ART1: variants seen among roughly 807,000 people sequenced by gnomAD.
ART1 encodes the protein GPI-linked NAD(P)(+)--arginine ADP-ribosyltransferase 1.
ART1 carries 29 observed loss-of-function variants against 27.0 expected under a neutral mutation model. That is an observed-to-expected ratio of 1.08 (90% CI 0.80 to 1.47). ART1 has a LOEUF of 1.47. Among genes scored for constraint, ART1 ranks in the 40% most tolerant of loss-of-function variants. The pLI, the probability that ART1 is intolerant of heterozygous loss-of-function variation, is 0.00. For missense variants in ART1, 480 were observed against 423.0 expected, an observed-to-expected ratio of 1.13 and a Z score of -1.18; for synonymous variants, 201 against 172.2, an observed-to-expected ratio of 1.17 and a Z score of -1.31.
At position 3,661,415 on chromosome 11, in the gene ART1, T is replaced by A. The variant is rs2077619104; in HGVS notation, c.886+2T>A. ...GGCCTTGCCATCTGGATAATTCAGGTAAGGGCTGCAGGCACCTGTGGGACT... is the reference window on the plus strand; with the variant it reads ...GGCCTTGCCATCTGGATAATTCAGGAAAGGGCTGCAGGCACCTGTGGGACT... On this transcript the variant is annotated splice_donor_variant, in intron 4 of 4. Transcript: ENST00000250693. LOFTEE classifies it high-confidence loss of function. The A allele has an allele frequency of 6.2e-7, 1 of 1,609,208 alleles. No individual in the cohort carries two copies. The highest frequency in any genetic ancestry group is 1.3e-5 in the African/African-American group (1 of 74,636).
At chr11:3,659,349 G>T (rs2077599047) in intron 2 of ART1, 73 bp downstream of exon 2, 2 of 1,595,282 alleles carry the variant, frequency 1.3e-6, no homozygotes, top group Admixed American at 3.4e-5. Context: ...CCTGGAGGGA[G>T]AAAGAGAGAG....
intron 1 of ART1, among the ~76,000 whole-genome samples, chr11:3,656,873 G>T (rs1425056314): frequency 1.3e-5 from 2 of 152,164 alleles, no homozygotes; most frequent in African/African-American, 4.8e-5. Context: ...GAATAAATGA[G>T]TAAGCAGCTT....
chr11:3,652,446 G>A (rs867509019), intron 1 of ART1, among the ~76,000 whole-genome samples: 8,159 of 145,904 alleles, frequency 0.056, 599 homozygotes, highest in African/African-American at 0.16. Context: ...AAAGTAGAAC[G>A]GACTAAAGGT....
At chr11:3,652,146 G>A (rs1465510979) in intron 1 of ART1, among the ~76,000 whole-genome samples, 1 of 150,432 alleles carries the variant, frequency 6.6e-6, no homozygotes, top group Non-Finnish European at 1.5e-5. Flanking sequence ...CCCCCACCCA[G>A]GACGGGCAAA....
At chr11:3,656,930 G>A (rs1311151629) in intron 1 of ART1, among the ~76,000 whole-genome samples, 1 of 152,124 alleles carries the variant, frequency 6.6e-6, no homozygotes. Context: ...TGTGGAATTT[G>A]GTAAAAACTA....
At chr11:3,656,364 T>G (rs1445457365) in intron 1 of ART1, among the ~76,000 whole-genome samples, 1 of 84,898 alleles carries the variant, frequency 1.2e-5, no homozygotes, top group Non-Finnish European at 3.0e-5. Context: ...GCTTATTTAT[T>G]TATTTATTTA....
rs2077643686 is a variant in ART1 at position 3,664,158 on chromosome 11, G to A, written c.953G>A (p.Arg318Lys). 1 of 1,613,880 alleles carries A rather than the reference G, an allele frequency of 6.2e-7. No individual in the cohort carries two copies. Among genetic ancestry groups the A allele is most frequent in the South Asian group, 1.1e-5 (1 of 91,084 alleles). ...CTGCTGCTCTGGTTCCTCGTGGTGAGGGCCTTTCCAGATGGTCCAGGCCTC... is the reference window on the plus strand; with the variant it reads ...CTGCTGCTCTGGTTCCTCGTGGTGAAGGCCTTTCCAGATGGTCCAGGCCTC... ...LLLLLWFLVV[R>K]AFPDGPGLL Residue 318 changes from arginine to lysine, a missense_variant, in exon 5 of 5, where the codon AGG becomes AAG. Coordinates refer to ENST00000250693, the MANE Select transcript of ART1 (RefSeq NM_004314.3).
intron 4 of ART1, among the ~76,000 whole-genome samples, chr11:3,662,576 G>A (rs903403104): frequency 6.6e-6 from 1 of 152,232 alleles, no homozygotes; most frequent in Admixed American, 6.5e-5. Context: ...CGGGTGTGGT[G>A]GCTCACGCCT....
At chr11:3,662,060 C>A (rs979280993) in intron 4 of ART1, among the ~76,000 whole-genome samples, 17 of 152,220 alleles carry the variant, frequency 1.1e-4, no homozygotes, top group Admixed American at 1.1e-3. Context: ...CTCCTTTGGT[C>A]CTTCTCTGCC....
chr11:3,662,969 C>G (rs2077630477), intron 4 of ART1, among the ~76,000 whole-genome samples: 1 of 152,218 alleles, frequency 6.6e-6, no homozygotes, highest in African/African-American at 2.4e-5. Flanking sequence ...CTCTGAACCA[C>G]CACACCAGGA....
At chr11:3,653,609 G>C (rs138949941) in intron 1 of ART1, among the ~76,000 whole-genome samples, 273 of 152,232 alleles carry the variant, frequency 1.8e-3, no homozygotes, top group African/African-American at 6.3e-3. Context: ...AAGCCTGTTT[G>C]GTGGTCTCTT....
chr11:3,653,173 C>G (rs1267119273), intron 1 of ART1, among the ~76,000 whole-genome samples: 6 of 148,500 alleles, frequency 4.0e-5, no homozygotes, highest in Non-Finnish European at 8.8e-5. Context: ...TTCACCGTCC[C>G]AACACTTTAC....
chr11:3,654,922 A>G (rs778419773), intron 1 of ART1, among the ~76,000 whole-genome samples: 1 of 152,240 alleles, frequency 6.6e-6, no homozygotes, highest in Non-Finnish European at 1.5e-5. Flanking sequence ...GCAGATGCAG[A>G]CAGAAACAGA....
At position 3,664,097 on chromosome 11, in the gene ART1, G is replaced by A. The variant is rs773993156; in HGVS notation, c.892G>A (p.Gly298Ser). Residue 298 changes from glycine (G) to serine (S), a missense_variant, in exon 5 of 5, where the codon GGT (glycine) becomes AGT (serine). Gly to Ser is a moderately conservative substitution (Grantham distance 56). Transcript: ENST00000250693. ...TCTGCCTGTTTTCCCTGCAGCCATG[G>A]GTCAGAGCCCCCTCTCTGCAGTCTG... ...GPCHLDNSAM[G>S]QSPLSAVWSL... The A allele has an allele frequency of 1.2e-6, 2 of 1,613,662 alleles. No individual in the cohort carries two copies. The highest frequency in any genetic ancestry group is 3.3e-5 in the Admixed American group (2 of 60,006).
chr11:3,663,073 C>CTCATCTCATCTCA (rs754454251), intron 4 of ART1, among the ~76,000 whole-genome samples: 10 of 100,332 alleles, frequency 1.0e-4, no homozygotes, highest in South Asian at 4.5e-4. Flanking sequence ...CTCATCTCAT[C>CTCATCTCATCTCA]TCATCATCTC....
chr11:3,651,981 G>A (rs1835773046), intron 1 of ART1, among the ~76,000 whole-genome samples: 1 of 151,542 alleles, frequency 6.6e-6, no homozygotes, highest in South Asian at 2.1e-4. Flanking sequence ...TATAGAACAA[G>A]CCACCAGCCC....
intron 1 of ART1, among the ~76,000 whole-genome samples, chr11:3,654,983 A>G (rs886131476): frequency 2.6e-5 from 4 of 152,268 alleles, no homozygotes; most frequent in Non-Finnish European, 1.5e-5. Flanking sequence ...CTTTTGCTGC[A>G]TAACTATTTT....
chr11:3,659,838 C>T lies in ART1; in HGVS notation c.319C>T (p.Pro107Ser). 2 of 1,612,354 alleles carry T rather than the reference C, an allele frequency of 1.2e-6. No individual in the cohort carries two copies. The highest frequency in any genetic ancestry group is 1.1e-5 in the South Asian group (1 of 90,922). ...CAGCCCCACCCGTCCATCCCCGCCACCCCTGGGCTTCCGCGATGAGCATGG... is the reference window on the plus strand; with the variant it reads ...CAGCCCCACCCGTCCATCCCCGCCATCCCTGGGCTTCCGCGATGAGCATGG... ...SLSPTRPSPP[P>S]LGFRDEHGVA... Residue 107 changes from proline to serine, a missense_variant, in exon 3 of 5, where the codon CCC becomes TCC. Physicochemically the swap from Pro to Ser is moderately conservative, Grantham distance 74. Transcript: ENST00000250693.
intron 1 of ART1, among the ~76,000 whole-genome samples, chr11:3,657,128 C>A (rs892385876): frequency 1.3e-5 from 2 of 152,140 alleles, no homozygotes; most frequent in African/African-American, 4.8e-5. Context: ...CGACGCTTAA[C>A]CTAAATGAGA....
Sources: allele counts gnomAD v4.1 joint callset (sites outside exome capture counted in the v4.1 genomes callset), GRCh38; gene constraint gnomAD v4.1.1; transcripts MANE v1.5; gene names NCBI Gene and HGNC (gene_info 2026-07-23, HGNC 2026-07-21).